The following CC2D2A variants were observed in gnomAD, a reference collection of about 807,000 sequenced individuals.
CC2D2A encodes coiled-coil and C2 domain-containing protein 2A.
A neutral mutation model predicts 212.9 loss-of-function variants in CC2D2A; 155 were observed. The ratio of observed to expected loss-of-function variants is 0.73; its 90% CI spans 0.64 to 0.83. The LOEUF is 0.83. Ranked by LOEUF, CC2D2A falls within the 40% of genes least tolerant of loss-of-function variation. The pLI is 0.00. For synonymous variants in CC2D2A, 667 were observed against 686.5 expected (o/e 0.97, Z 0.44); for missense variants, 1,856 against 1,956.2 (o/e 0.95, Z 0.97).
rs749325810 is a variant in CC2D2A, at chr4:15,527,578, G to A, written c.1281G>A (p.Leu427=). 3.7e-6 allele frequency: 6 copies of A among 1,613,388 alleles called. No homozygotes were observed. The highest frequency in any genetic ancestry group is 5.1e-6 in the Non-Finnish European group (6 of 1,179,618). The change falls in exon 12 of 37, where the codon TTG becomes TTA. Residue 427 remains leucine (L), a synonymous_variant. Transcript: ENST00000424120. ...CCTGTTTTAGCCGAGAGCATGTTTT[G>A]GCAGCCAAGCTGGCCCAGTTATATG... is the stretch of plus-strand genomic sequence containing the variant. The part of the protein sequence containing the change: ...HHPCFSREHV[L]AAKLAQLYDQ...
At chr4:15,587,396 A>G (rs1205524343) in intron 31 of CC2D2A, among the ~76,000 whole-genome samples, 1 of 152,214 alleles carries the variant, frequency 6.6e-6, no homozygotes, top group Non-Finnish European at 1.5e-5. Flanking sequence ...TGGCTTTACT[A>G]CTTCCTAAGT....
At chr4:15,573,783 A>AT (rs1171900199) in intron 28 of CC2D2A, among the ~76,000 whole-genome samples, 3 of 152,222 alleles carry the variant, frequency 2.0e-5, no homozygotes, top group African/African-American at 7.2e-5. Context: ...ATATCTATTC[A>AT]TTCACTACTC....
At chr4:15,566,830 C>G (rs1719901537) in intron 24 of CC2D2A, among the ~76,000 whole-genome samples, 3 of 152,040 alleles carry the variant, frequency 2.0e-5, no homozygotes, top group Non-Finnish European at 4.4e-5. Flanking sequence ...TAAAAATTAG[C>G]TGGGCATGGT....
intron 4 of CC2D2A, chr4:15,481,818 G>A (rs761808954): frequency 2.0e-6 from 2 of 985,240 alleles, no homozygotes; most frequent in African/African-American, 1.7e-5. Context: ...GAAACTCAAA[G>A]GAAGATGAAA....
At chr4:15,597,191 T>C (rs918927786) in intron 34 of CC2D2A, among the ~76,000 whole-genome samples, 3 of 152,264 alleles carry the variant, frequency 2.0e-5, no homozygotes, top group South Asian at 2.1e-4. Context: ...ATTCAGGTCA[T>C]GGTTACTTCT....
At chr4:15,535,043 T>C (rs913931294) in intron 14 of CC2D2A, among the ~76,000 whole-genome samples, 1 of 152,134 alleles carries the variant, frequency 6.6e-6, no homozygotes, top group African/African-American at 2.4e-5. Flanking sequence ...AGTGTAAGAC[T>C]GTGTGATCTT....
chr4:15,534,819 G>A (rs1168850139), intron 14 of CC2D2A, among the ~76,000 whole-genome samples: 1 of 152,058 alleles, frequency 6.6e-6, no homozygotes, highest in Non-Finnish European at 1.5e-5. Flanking sequence ...TGAGACTAGG[G>A]ACCCTGTTGT....
At chr4:15,490,032 C>G (rs1715211627) in intron 4 of CC2D2A, among the ~76,000 whole-genome samples, 1 of 152,140 alleles carries the variant, frequency 6.6e-6, no homozygotes, top group South Asian at 2.1e-4. Flanking sequence ...ATATACTGAC[C>G]AGTTCCAAAT....
At position 15,514,740 on chromosome 4, in the gene CC2D2A, G is replaced by A. The variant is rs374554530; in HGVS notation, c.751G>A (p.Glu251Lys). The change falls in exon 9 of 37, where the codon GAG (glutamate) becomes AAG (lysine). Residue 251 changes from glutamate to lysine, a missense_variant. This residue lies in a region of CC2D2A where 1,512 missense variants were observed against 1,579.3 expected (regional missense o/e 0.96). Coordinates refer to ENST00000424120, the MANE Select transcript of CC2D2A (RefSeq NM_001378615.1). Reference protein sequence around the residue: ...EEELLNGDDAEDFLLGLDHVA... With the variant: ...EEELLNGDDAKDFLLGLDHVA... The stretch of plus-strand genomic sequence containing the variant: ...AGAACTGCTTAATGGTGATGATGCC[G>A]AGGACTTCCTATTGGGCTTAGATCA... The A allele has an allele frequency of 4.6e-5, 73 of 1,602,826 alleles. No individual in the cohort carries two copies. In the African/African-American group the frequency reaches 8.6e-4, roughly 19 times the overall value.
At chr4:15,542,915 G>A (rs112313351) in intron 17 of CC2D2A, among the ~76,000 whole-genome samples, 22 of 152,328 alleles carry the variant, frequency 1.4e-4, no homozygotes, top group African/African-American at 4.8e-4. Context: ...ACCTGTAGAG[G>A]ACGTTCGTGA....
At chr4:15,553,488 A>C (rs575467430) in intron 19 of CC2D2A, among the ~76,000 whole-genome samples, 183 bp downstream of exon 19, 19 of 152,386 alleles carry the variant, frequency 1.2e-4, no homozygotes, top group Admixed American at 1.0e-3. Flanking sequence ...AGTCCAAAAA[A>C]TTAAAATATT....
At chr4:15,503,754 T>A (rs1368866011) in intron 6 of CC2D2A, among the ~76,000 whole-genome samples, 1 of 152,088 alleles carries the variant, frequency 6.6e-6, no homozygotes, top group Non-Finnish European at 1.5e-5. Flanking sequence ...GTATTTGAGG[T>A]GCTGGTGAGG....
At chr4:15,470,730 T>A (rs1349091004) in intron 1 of CC2D2A, among the ~76,000 whole-genome samples, 1 of 122,852 alleles carries the variant, frequency 8.1e-6, no homozygotes, top group Non-Finnish European at 1.6e-5. Flanking sequence ...TATATATATA[T>A]ATATCCTAGA....
chr4:15,542,620 T>G (rs1640331051), intron 17 of CC2D2A, among the ~76,000 whole-genome samples: 1 of 152,240 alleles, frequency 6.6e-6, no homozygotes, highest in South Asian at 2.1e-4. Context: ...GTATAATTAA[T>G]AAAATATTTA....
intron 18 of CC2D2A, 85 bp downstream of exon 18, chr4:15,551,065 C>A: frequency 2.7e-6 from 3 of 1,127,090 alleles, no homozygotes; most frequent in Non-Finnish European, 3.6e-6. Context: ...CCCAGACAAC[C>A]ATAGAATTAT....
chr4:15,568,235 T>C (rs1719988255), intron 26 of CC2D2A, among the ~76,000 whole-genome samples: 1 of 152,252 alleles, frequency 6.6e-6, no homozygotes, highest in South Asian at 2.1e-4. Context: ...GTTCTTATTA[T>C]TTCAGTACTT....
chr4:15,538,819 T>G (rs2109036176), intron 16 of CC2D2A, among the ~76,000 whole-genome samples: 1 of 152,354 alleles, frequency 6.6e-6, no homozygotes, highest in Admixed American at 6.5e-5. Context: ...ATGTTTCCTA[T>G]TTATTCTTTC....
chr4:15,493,659 C>T lies in CC2D2A; in HGVS notation c.248-8770C>T, dbSNP rs1217568507. On this transcript the variant is annotated intron_variant, in intron 4 of 36. Coordinates refer to ENST00000424120, the MANE Select transcript of CC2D2A (RefSeq NM_001378615.1). ...GTTATTTGTCTCTACACTTGTATCA[C>T]CATCTGACATACTAACTACAGAACT... Among the ~76,000 whole-genome samples, 3 of 152,174 alleles carry T rather than the reference C, an allele frequency of 2.0e-5. No homozygotes were observed. The East Asian group carries it at 5.8e-4, about 29-fold the overall frequency.
chr4:15,533,333 A>T lies in CC2D2A; in HGVS notation c.1607A>T (p.Lys536Met). The T allele has an allele frequency of 1.3e-6, 2 of 1,537,208 alleles. No homozygotes were observed. The highest frequency in any genetic ancestry group is 2.8e-5 in the African/African-American group (2 of 71,980). Residue 536 changes from lysine to methionine, a missense_variant and splice_region_variant, in exon 14 of 37, where the codon AAG becomes ATG. Coordinates refer to ENST00000424120, the MANE Select transcript of CC2D2A (RefSeq NM_001378615.1). ...ACTCCCTTGAAACTTGTTTTGAGAA[A>T]GTAGGCTTTTTTGAAAAATTATTTT... ...TNTPLKLVLR[K>M]EKADQKADEE...
Sources: gnomAD v4.1 joint callset for allele counts (sites outside exome capture counted in the v4.1 genomes callset) on GRCh38, gnomAD v4.1.1 for gene constraint, gnomAD v4.1.1 regional missense constraint, MANE v1.5 for transcripts, NCBI Gene and HGNC (gene_info 2026-07-23, HGNC 2026-07-21) for gene names.